GBE1: variants seen among roughly 807,000 people sequenced by gnomAD.
GBE1 encodes 1,4-alpha-glucan branching enzyme 1.
GBE1 carries 70 observed loss-of-function variants against 88.8 expected under a neutral mutation model. That is an observed-to-expected ratio of 0.79 (90% CI 0.65 to 0.96). The LOEUF (loss-of-function observed/expected upper bound fraction) is 0.96, where lower values mean the gene tolerates loss of function less well. Among genes scored for constraint, GBE1 ranks in the 40% least tolerant of loss-of-function variants. The probability of loss-of-function intolerance (pLI) is 0.00; values close to 1 mark genes in which losing one functional copy is unlikely to be tolerated. For synonymous variants in GBE1, 284 were observed against 300.1 expected (o/e 0.95, Z 0.56); for missense variants, 872 against 871.0 (o/e 1.00, Z -0.01).
Position 81,638,681 on chromosome 3 carries a change from G to A in GBE1, c.992+4100C>T, listed in dbSNP as rs112906533. On this transcript the variant is annotated intron_variant, in intron 7 of 15. Transcript: ENST00000429644. ...AGAAGGCAGTTCAGCTGAGTAGACA[G>A]AAAATTAAACATGGGCAGCTCCTGA... 1.0e-3 allele frequency among the ~76,000 whole-genome samples: 157 copies of A among 152,248 alleles called. 2 individuals carry two copies. The highest frequency in any genetic ancestry group is 3.6e-3 in the African/African-American group (151 of 41,568).
intron 12 of GBE1, among the ~76,000 whole-genome samples, chr3:81,572,367 C>T (rs1292981339): frequency 6.6e-6 from 1 of 152,164 alleles, no homozygotes; most frequent in African/African-American, 2.4e-5. Context: ...TTTCTCCTTA[C>T]TATTGCCCAA....
At chr3:81,677,209 T>C (rs879474332) in intron 2 of GBE1, among the ~76,000 whole-genome samples, 10 of 152,278 alleles carry the variant, frequency 6.6e-5, no homozygotes, top group Admixed American at 5.9e-4. Flanking sequence ...TTCAGGAAGA[T>C]TCCAATGTGC....
chr3:81,605,363 T>C (rs1465918445), intron 7 of GBE1, among the ~76,000 whole-genome samples: 4 of 152,106 alleles, frequency 2.6e-5, no homozygotes, highest in South Asian at 2.1e-4. Context: ...GTGGCCAAAA[T>C]AGAAGTTCCA....
At position 81,656,032 on chromosome 3, in the gene GBE1, A is replaced by G. The variant is rs183942737; in HGVS notation, c.430-6111T>C. Among the ~76,000 whole-genome samples, 56 of 152,290 alleles carry G rather than the reference A, an allele frequency of 3.7e-4. 1 individual carries two copies. The East Asian group carries it at 8.9e-3, about 24-fold the overall frequency. On this transcript the variant is annotated intron_variant, in intron 3 of 15. Coordinates refer to ENST00000429644, the MANE Select transcript of GBE1 (RefSeq NM_000158.4). ...GGACCTATTTGTATAAATTCTATCCACAGCTCTGCTTGTCATTTCTGCTGA... is the reference window on the plus strand; with the variant it reads ...GGACCTATTTGTATAAATTCTATCCGCAGCTCTGCTTGTCATTTCTGCTGA...
intron 7 of GBE1, among the ~76,000 whole-genome samples, chr3:81,631,532 C>T (rs866610690): frequency 1.3e-5 from 2 of 151,216 alleles, no homozygotes; most frequent in African/African-American, 4.9e-5. Context: ...GTCAGGAGAT[C>T]GAAAACATCC....
intron 7 of GBE1, among the ~76,000 whole-genome samples, chr3:81,606,052 T>C (rs1397378126): frequency 2.0e-5 from 3 of 152,126 alleles, no homozygotes; most frequent in Admixed American, 1.3e-4. Context: ...AGATATTCTA[T>C]GGTAAAATAA....
intron 12 of GBE1, among the ~76,000 whole-genome samples, chr3:81,550,317 A>G (rs1025315138): frequency 1.3e-5 from 2 of 151,300 alleles, no homozygotes; most frequent in African/African-American, 2.4e-5. Context: ...CACCATACCA[A>G]TGCTTTCTGA....
chr3:81,676,206 A>G (rs1284187206), intron 2 of GBE1, among the ~76,000 whole-genome samples: 2 of 152,032 alleles, frequency 1.3e-5, no homozygotes, highest in Admixed American at 6.6e-5. Flanking sequence ...TTTATACTCA[A>G]ACTTTTGAGT....
intron 12 of GBE1, among the ~76,000 whole-genome samples, chr3:81,540,000 CAAGGAACTG>C (rs779986812): frequency 6.6e-6 from 1 of 151,628 alleles, no homozygotes; most frequent in Non-Finnish European, 1.5e-5. Flanking sequence ...GCCAGCATAC[CAAGGAACTG>C]AAGGCAGAAA....
intron 7 of GBE1, among the ~76,000 whole-genome samples, chr3:81,627,733 A>C (rs1384647331): frequency 7.3e-6 from 1 of 137,714 alleles, no homozygotes; most frequent in African/African-American, 2.9e-5. Context: ...TTATAAGAAA[A>C]TTATATATTT....
At chr3:81,743,323 A>C (rs1041236234) in intron 1 of GBE1, among the ~76,000 whole-genome samples, 2 of 152,172 alleles carry the variant, frequency 1.3e-5, no homozygotes, top group Admixed American at 6.5e-5. Flanking sequence ...TATATATGCA[A>C]ATATAAATAA....
intron 14 of GBE1, among the ~76,000 whole-genome samples, chr3:81,519,596 A>G (rs1702845988): frequency 6.6e-6 from 1 of 151,386 alleles, no homozygotes; most frequent in South Asian, 2.1e-4. Flanking sequence ...GGGGGTTAAA[A>G]TTTCTATTGT....
At chr3:81,638,702 C>T (rs529904786) in intron 7 of GBE1, among the ~76,000 whole-genome samples, 2 of 152,178 alleles carry the variant, frequency 1.3e-5, no homozygotes, top group East Asian at 3.9e-4. Context: ...ATGGGCAGCT[C>T]CTGATTGGAA....
intron 14 of GBE1, among the ~76,000 whole-genome samples, chr3:81,507,104 AATT>A (rs1427821039): frequency 3.9e-5 from 6 of 152,248 alleles, no homozygotes; most frequent in Non-Finnish European, 5.9e-5. Context: ...CTGATATTTT[AATT>A]ACTTTTCAAA....
At position 81,576,971 on chromosome 3, in the gene GBE1, G is replaced by A. The variant is rs180882833; in HGVS notation, c.1618+954C>T. The stretch of plus-strand genomic sequence containing the variant: ...AGGGCTTTTTAAAAATTAGAGATAG[G>A]GTCTTGCTTTGTCACCCTAGCTGGA... On this transcript the variant is annotated intron_variant, in intron 12 of 15. Transcript: ENST00000429644. Among the ~76,000 whole-genome samples the A allele has an allele frequency of 3.3e-5, 5 of 151,960 alleles. No homozygotes were observed. In the East Asian group the frequency reaches 9.7e-4, roughly 29 times the overall value.
intron 12 of GBE1, among the ~76,000 whole-genome samples, chr3:81,573,809 T>C (rs1205928754): frequency 6.7e-6 from 1 of 149,332 alleles, no homozygotes; most frequent in East Asian, 2.0e-4. Context: ...AGAAATTCTG[T>C]GCACAGGTAC....
intron 1 of GBE1, among the ~76,000 whole-genome samples, chr3:81,730,040 T>C (rs1706163775): frequency 1.3e-5 from 2 of 151,788 alleles, no homozygotes; most frequent in Non-Finnish European, 2.9e-5. Flanking sequence ...CTTTGTTGCC[T>C]ACAGTGTTTC....
chr3:81,530,626 A>C (rs1364012502), intron 14 of GBE1, among the ~76,000 whole-genome samples: 1 of 151,962 alleles, frequency 6.6e-6, no homozygotes, highest in East Asian at 2.0e-4. Context: ...CTGGATTATC[A>C]GGCAGAATCT....
chr3:81,575,126 C>T (rs1220798842), intron 12 of GBE1, among the ~76,000 whole-genome samples: 4 of 149,122 alleles, frequency 2.7e-5, no homozygotes, highest in East Asian at 1.9e-4. Flanking sequence ...GATTGCATCA[C>T]GGCACTCCAG....
Sources: allele counts gnomAD v4.1 joint callset (sites outside exome capture counted in the v4.1 genomes callset), GRCh38; gene constraint gnomAD v4.1.1; transcripts MANE v1.5; gene names NCBI Gene and HGNC (gene_info 2026-07-23, HGNC 2026-07-21).